Variants in SOX5 observed in about 807,000 individuals in gnomAD.
The protein encoded by SOX5 is transcription factor SOX-5.
A neutral mutation model predicts 92.0 loss-of-function variants in SOX5; 9 were observed. The ratio of observed to expected loss-of-function variants is 0.10; its 90% CI spans 0.06 to 0.17. The LOEUF is 0.17. SOX5 is among the 10% of genes least tolerant of loss of function. The probability of loss-of-function intolerance (pLI) is 1.00; values close to 1 mark genes in which losing one functional copy is unlikely to be tolerated. For missense variants in SOX5, 642 were observed against 944.5 expected (o/e 0.68, Z 4.20); for synonymous variants, 344 against 336.3 (o/e 1.02, Z -0.25).
At chr12:23,993,680 T>C (rs1450795608) in intron 4 of SOX5, among the ~76,000 whole-genome samples, 3 of 152,128 alleles carry the variant, frequency 2.0e-5, no homozygotes, top group African/African-American at 7.2e-5. Context: ...TTTAAGATAT[T>C]ACATAAAGAA....
chr12:23,734,637 A>T, intron 6 of SOX5, 47 bp downstream of exon 6: 1 of 1,363,588 alleles, frequency 7.3e-7, no homozygotes, highest in South Asian at 1.2e-5. Context: ...AAGAAACAGA[A>T]TATATATTTT....
chr12:24,508,534 T>C (rs1949013912), intron 1 of SOX5, among the ~76,000 whole-genome samples: 1 of 152,084 alleles, frequency 6.6e-6, no homozygotes, highest in African/African-American at 2.4e-5. Context: ...GAGATTTCCG[T>C]GAGACATCCA....
intron 1 of SOX5, among the ~76,000 whole-genome samples, chr12:24,431,204 G>A (rs560156391): frequency 6.6e-6 from 1 of 152,300 alleles, no homozygotes; most frequent in Admixed American, 6.5e-5. Context: ...AGATGAAAGA[G>A]TGAGTAAGCG....
intron 1 of SOX5, among the ~76,000 whole-genome samples, chr12:23,922,073 C>G (rs74996610): frequency 0.037 from 5,626 of 152,284 alleles, 155 homozygotes; most frequent in East Asian, 0.1. Context: ...AACTCCCCCC[C>G]TGGGCTCCCA....
upstream of SOX5, among the ~76,000 whole-genome samples, chr12:23,953,254 A>C (rs1945886074): frequency 6.6e-6 from 1 of 152,134 alleles, no homozygotes; most frequent in Non-Finnish European, 1.5e-5. Flanking sequence ...AAAATGATCC[A>C]ATCAATACAA....
At chr12:24,140,414 T>C (rs1950481419) in intron 4 of SOX5, among the ~76,000 whole-genome samples, 1 of 152,186 alleles carries the variant, frequency 6.6e-6, no homozygotes. Flanking sequence ...TAGAAATTCA[T>C]TTTTTGAAAA....
intron 6 of SOX5, among the ~76,000 whole-genome samples, chr12:23,692,085 C>T (rs2088915603): frequency 6.6e-6 from 1 of 152,058 alleles, no homozygotes; most frequent in South Asian, 2.1e-4. Context: ...TCTTAAACTT[C>T]CTTTTATAAA....
intron 3 of SOX5, among the ~76,000 whole-genome samples, chr12:23,770,228 G>GC (rs139960329): frequency 0.12 from 17,549 of 151,622 alleles, 1,154 homozygotes; most frequent in East Asian, 0.26. Flanking sequence ...CCACTTTCTA[G>GC]CCCCCAAATT....
At position 24,393,634 on chromosome 12, in the gene SOX5, C is replaced by T. The variant is rs12322109; in HGVS notation, c.-250-24995G>A. Among the ~76,000 whole-genome samples the T allele has an allele frequency of 0.017, 2,636 of 152,252 alleles. 33 individuals are homozygous for T. The highest frequency in any genetic ancestry group is 0.023 in the Non-Finnish European group (1,568 of 68,008). Reference sequence around the variant, plus strand: ...AATAGATAATCTTTTATACGGATTACGCTTTAAGACATGGCCCTTGTCATG... The same window carrying T: ...AATAGATAATCTTTTATACGGATTATGCTTTAAGACATGGCCCTTGTCATG... On this transcript the variant is annotated intron_variant, in intron 1 of 4. Coordinates refer to the SOX5 transcript ENST00000446891. This position sits in a 1 kb window ranked among gnomAD's most constrained non-coding sequence, Gnocchi z 5.0.
chr12:23,834,033 T>C (rs1182415694), intron 3 of SOX5, among the ~76,000 whole-genome samples: 4 of 151,944 alleles, frequency 2.6e-5, no homozygotes, highest in African/African-American at 9.7e-5. Flanking sequence ...GAAGACAGAA[T>C]GTAAATAAAC....
At chr12:23,756,448 AT>A (rs900924497) in intron 3 of SOX5, among the ~76,000 whole-genome samples, 3 of 152,024 alleles carry the variant, frequency 2.0e-5, no homozygotes, top group Admixed American at 1.3e-4. Flanking sequence ...TACATATAAC[AT>A]AGGTTTTGAC....
chr12:23,779,814 T>TATACACACACAC lies in SOX5; in HGVS notation c.482-24091_482-24090insGTGTGTGTGTAT, dbSNP rs777013504. Among the ~76,000 whole-genome samples, 99 of 110,794 alleles carry TATACACACACAC rather than the reference T, an allele frequency of 8.9e-4. 1 individual carries two copies. The highest frequency in any genetic ancestry group is 3.3e-3 in the African/African-American group (89 of 27,050). The allele number at this position is 110,794 out of a possible 152,430, so 72.7% of individuals were successfully genotyped here. A position where few individuals can be genotyped will look rare whatever the true frequency, so the allele number is the denominator to read the frequency against. The stretch of plus-strand genomic sequence containing the variant: ...ATATATATATATATATATATATATA[T>TATACACACACAC]ACACACACACACACACACACACACA... On this transcript the variant is annotated intron_variant, in intron 3 of 14. Transcript: ENST00000451604.
chr12:23,949,653 C>T lies in SOX5; in HGVS notation c.-52G>A. ...CACAGCAGCCACCTATGATCGTCTC[C>T]AACTGAACCTGTCAAGTGAGTCCAA... On this transcript the variant is annotated 5_prime_UTR_variant, in exon 1 of 15. Coordinates refer to ENST00000451604, the MANE Select transcript of SOX5 (RefSeq NM_006940.6). 6.2e-7 allele frequency: 1 copy of T among 1,613,426 alleles called. No homozygotes were observed. The highest frequency in any genetic ancestry group is 8.5e-7 in the Non-Finnish European group (1 of 1,179,652).
chr12:23,869,449 T>C (rs576725763), intron 2 of SOX5, among the ~76,000 whole-genome samples: 52 of 152,090 alleles, frequency 3.4e-4, no homozygotes, highest in Non-Finnish European at 6.6e-4. Context: ...TGCTTAAATA[T>C]CTTAGTTTTT....
intron 8 of SOX5, among the ~76,000 whole-genome samples, chr12:23,630,824 T>C (rs763011274): frequency 1.3e-5 from 2 of 151,996 alleles, no homozygotes; most frequent in African/African-American, 4.8e-5. Flanking sequence ...ACCACACTTA[T>C]AACCATTATG....
intron 3 of SOX5, among the ~76,000 whole-genome samples, chr12:23,805,668 AAC>A (rs1160682090): frequency 6.6e-6 from 1 of 152,210 alleles, no homozygotes; most frequent in Non-Finnish European, 1.5e-5. Context: ...TATATGGCCA[AAC>A]ACAATATGTT....
At chr12:23,939,453 C>T (rs556965561) in intron 1 of SOX5, among the ~76,000 whole-genome samples, 1 of 150,628 alleles carries the variant, frequency 6.6e-6, no homozygotes, top group Non-Finnish European at 1.5e-5. Context: ...TTAAAAGCGG[C>T]AGGAATCAAA....
intron 1 of SOX5, among the ~76,000 whole-genome samples, chr12:24,553,489 A>C (rs1953423959): frequency 6.6e-6 from 1 of 152,126 alleles, no homozygotes; most frequent in African/African-American, 2.4e-5. Context: ...CTTGCAAACT[A>C]TGCTCACTCA....
chr12:23,991,728 CCAGA>C (rs994689299), intron 4 of SOX5, among the ~76,000 whole-genome samples: 1 of 147,760 alleles, frequency 6.8e-6, no homozygotes, highest in Non-Finnish European at 1.5e-5. Context: ...AATACAGTAA[CCAGA>C]CAGACAAATA....
Sources: allele counts gnomAD v4.1 joint callset (sites outside exome capture counted in the v4.1 genomes callset), GRCh38; gene constraint gnomAD v4.1.1; non-coding constraint Gnocchi (gnomAD v3.1); transcripts MANE v1.5; gene names NCBI Gene and HGNC (gene_info 2026-07-23, HGNC 2026-07-21).